Variants in WWOX observed in about 807,000 individuals in gnomAD.
The protein encoded by WWOX is WW domain-containing oxidoreductase.
WWOX carries 69 observed loss-of-function variants against 46.2 expected under a neutral mutation model. The observed-to-expected ratio is 1.49, with a 90% confidence interval of 1.23 to 1.82. The LOEUF (loss-of-function observed/expected upper bound fraction) is 1.82, where lower values mean the gene tolerates loss of function less well. WWOX is among the 40% of genes most tolerant of loss of function. WWOX has a pLI of 0.00. For synonymous variants in WWOX, 359 were observed against 202.6 expected (o/e 1.77, Z -6.56); for missense variants, 919 against 542.6 (o/e 1.69, Z -6.89).
intron 8 of WWOX, among the ~76,000 whole-genome samples, chr16:78,829,492 T>G (rs764628871): frequency 6.6e-6 from 1 of 152,042 alleles, no homozygotes; most frequent in Admixed American, 6.6e-5. Context: ...AGACACACAC[T>G]CAGAAATAAT....
At chr16:78,849,956 C>T (rs993620082) in intron 8 of WWOX, among the ~76,000 whole-genome samples, 8 of 152,064 alleles carry the variant, frequency 5.3e-5, no homozygotes, top group East Asian at 3.9e-4. Flanking sequence ...CCTGTAATCC[C>T]AGCTACTTGG....
chr16:79,028,276 C>T (rs912599638), intron 8 of WWOX, among the ~76,000 whole-genome samples: 1 of 151,788 alleles, frequency 6.6e-6, no homozygotes, highest in Non-Finnish European at 1.5e-5. Flanking sequence ...GTTCCTAATA[C>T]CTGGCCCAGT....
At chr16:78,743,194 A>C (rs2049272486) in intron 8 of WWOX, among the ~76,000 whole-genome samples, 3 of 152,066 alleles carry the variant, frequency 2.0e-5, no homozygotes, top group Admixed American at 6.6e-5. Flanking sequence ...CTGGCAGAGG[A>C]GGCCACTCTT....
At chr16:78,808,724 A>G (rs2051107120) in intron 8 of WWOX, among the ~76,000 whole-genome samples, 1 of 152,194 alleles carries the variant, frequency 6.6e-6, no homozygotes, top group Admixed American at 6.5e-5. Flanking sequence ...TTCCATATTA[A>G]TATCCTACGT....
intron 8 of WWOX, among the ~76,000 whole-genome samples, chr16:78,580,023 C>G (rs886821380): frequency 2.6e-5 from 4 of 151,968 alleles, no homozygotes; most frequent in Non-Finnish European, 5.9e-5. Context: ...CTGCTTTTCT[C>G]AAAGCCTATT....
chr16:78,754,353 A>T (rs1028127222), intron 8 of WWOX, among the ~76,000 whole-genome samples: 1 of 152,112 alleles, frequency 6.6e-6, no homozygotes, highest in Non-Finnish European at 1.5e-5. Context: ...GCAAGTTAGT[A>T]TGTACCTGTG....
intron 8 of WWOX, among the ~76,000 whole-genome samples, chr16:78,700,110 A>C (rs951915346): frequency 2.7e-4 from 41 of 151,494 alleles, no homozygotes; most frequent in Non-Finnish European, 5.3e-4. Flanking sequence ...TTTTCAACCC[A>C]CACTAGTTAC....
chr16:78,209,811 G>C (rs1398093925), intron 5 of WWOX, among the ~76,000 whole-genome samples: 2 of 151,828 alleles, frequency 1.3e-5, no homozygotes, highest in East Asian at 3.9e-4. Flanking sequence ...AAGTGTAATG[G>C]ATCACATTTA....
At chr16:78,518,643 C>T (rs1038130801) in intron 8 of WWOX, among the ~76,000 whole-genome samples, 2 of 152,170 alleles carry the variant, frequency 1.3e-5, no homozygotes, top group Admixed American at 1.3e-4. Context: ...ATCTAGATTT[C>T]ATTTATTTAA....
intron 4 of WWOX, among the ~76,000 whole-genome samples, chr16:78,137,546 A>G (rs1012902370): frequency 1.3e-5 from 2 of 152,172 alleles, no homozygotes; most frequent in African/African-American, 4.8e-5. Context: ...TTTTCTTCTT[A>G]TGGATGACTT....
At chr16:78,835,771 A>G (rs2051963709) in intron 8 of WWOX, among the ~76,000 whole-genome samples, 2 of 152,230 alleles carry the variant, frequency 1.3e-5, no homozygotes, top group Admixed American at 1.3e-4. Context: ...CAAAAAATGT[A>G]TTGCCAAAAA....
intron 8 of WWOX, among the ~76,000 whole-genome samples, chr16:78,880,022 T>G (rs993015207): frequency 6.6e-6 from 1 of 152,142 alleles, no homozygotes; most frequent in Non-Finnish European, 1.5e-5. Context: ...GAATTTATAG[T>G]CAAAAGTAGA....
intron 8 of WWOX, chr16:78,691,109 T>C (rs2047977094): frequency 1.6e-6 from 1 of 627,200 alleles, no homozygotes; most frequent in Non-Finnish European, 2.8e-6. Flanking sequence ...GTGCTTTGAA[T>C]ACCAGTCGTT....
chr16:78,646,477 G>A (rs1282808981), intron 8 of WWOX, among the ~76,000 whole-genome samples: 1 of 151,974 alleles, frequency 6.6e-6, no homozygotes, highest in South Asian at 2.1e-4. Flanking sequence ...ACCCAGGCTG[G>A]GGTGCAGTGG....
chr16:78,157,584 A>T (rs1168758132), intron 4 of WWOX, among the ~76,000 whole-genome samples: 1 of 152,236 alleles, frequency 6.6e-6, no homozygotes, highest in Middle Eastern at 3.2e-3. Flanking sequence ...TCAGCATCTG[A>T]TTTAAGTATC....
intron 8 of WWOX, among the ~76,000 whole-genome samples, chr16:78,887,985 A>C (rs555291330): frequency 6.6e-6 from 1 of 152,354 alleles, no homozygotes; most frequent in Non-Finnish European, 1.5e-5. Context: ...CTTTGGCGAC[A>C]TGACATCCCA....
intron 8 of WWOX, among the ~76,000 whole-genome samples, chr16:78,558,153 C>T (rs2044351560): frequency 6.6e-6 from 1 of 152,126 alleles, no homozygotes; most frequent in African/African-American, 2.4e-5. Context: ...GCAGCAGCTG[C>T]CCTGGCTGCT....
At chr16:78,545,639 C>G (rs1016332013) in intron 8 of WWOX, among the ~76,000 whole-genome samples, 3 of 152,182 alleles carry the variant, frequency 2.0e-5, no homozygotes, top group African/African-American at 4.8e-5. Flanking sequence ...AGTCTCTATT[C>G]TGAAACAGGC....
intron 8 of WWOX, among the ~76,000 whole-genome samples, chr16:78,870,443 T>C (rs938087723): frequency 4.6e-5 from 7 of 152,072 alleles, no homozygotes; most frequent in Admixed American, 1.3e-4. Flanking sequence ...ATCATGGGGA[T>C]AACCGGAATT....
Sources: gnomAD v4.1 joint callset for allele counts (sites outside exome capture counted in the v4.1 genomes callset) on GRCh38, gnomAD v4.1.1 for gene constraint, MANE v1.5 for transcripts, NCBI Gene and HGNC (gene_info 2026-07-23, HGNC 2026-07-21) for gene names.